GPHN: variants seen among roughly 807,000 people sequenced by gnomAD.
The protein encoded by GPHN is gephyrin.
Under a neutral mutation model 95.5 loss-of-function variants are expected in GPHN, and 17 were observed. The observed-to-expected ratio is 0.18, with a 90% CI of 0.12 to 0.27. The LOEUF (loss-of-function observed/expected upper bound fraction) is 0.27, where lower values mean the gene tolerates loss of function less well. Ranked by LOEUF, GPHN falls within the 10% of genes least tolerant of loss-of-function variation. The probability of loss-of-function intolerance (pLI) is 1.00; values close to 1 mark genes in which losing one functional copy is unlikely to be tolerated. For synonymous variants in GPHN, 320 were observed against 322.5 expected (o/e 0.99, Z 0.08); for missense variants, 660 against 978.1 (o/e 0.67, Z 4.34).
At chr14:67,267,661 T>C in the GPHN span, among the ~76,000 whole-genome samples, 3 of 152,252 alleles carry the variant, frequency 2.0e-5, no homozygotes, top group African/African-American at 7.2e-5. Context: ...TAAGTTTTAG[T>C]AAATTTATAT....
intron 3 of GPHN, among the ~76,000 whole-genome samples, chr14:66,803,237 CT>C (rs1392036235): frequency 1.3e-5 from 2 of 152,174 alleles, no homozygotes; most frequent in Non-Finnish European, 2.9e-5. Flanking sequence ...TCAAAATTGC[CT>C]GCTGTCCTTC....
At chr14:66,871,708 A>G (rs2063441397) in intron 4 of GPHN, among the ~76,000 whole-genome samples, 1 of 152,038 alleles carries the variant, frequency 6.6e-6, no homozygotes, top group Admixed American at 6.6e-5. Flanking sequence ...CTCACTCATA[A>G]CTGGGAGTTG....
the GPHN span, among the ~76,000 whole-genome samples, chr14:67,281,082 A>G: frequency 6.6e-6 from 1 of 151,764 alleles, no homozygotes; most frequent in Non-Finnish European, 1.5e-5. Flanking sequence ...TATTTTTAGT[A>G]GAGACCGGGT....
the GPHN span, among the ~76,000 whole-genome samples, chr14:67,191,701 G>C: frequency 6.6e-6 from 1 of 152,140 alleles, no homozygotes; most frequent in Non-Finnish European, 1.5e-5. Context: ...ACACAGATAG[G>C]GAAGCCCTGA....
At chr14:66,881,466 A>G (rs2063928344) in intron 5 of GPHN, among the ~76,000 whole-genome samples, 1 of 151,896 alleles carries the variant, frequency 6.6e-6, no homozygotes, top group African/African-American at 2.4e-5. Context: ...TTCTCTTGCT[A>G]ATTCTTTTGT....
intron 3 of GPHN, among the ~76,000 whole-genome samples, chr14:66,794,602 A>G (rs1240141647): frequency 1.3e-5 from 2 of 152,174 alleles, no homozygotes; most frequent in Admixed American, 1.3e-4. Flanking sequence ...TTTAACTATT[A>G]TTTAGTTATG....
chr14:66,965,188 C>T lies in GPHN; in HGVS notation c.829-3C>T. ...TTAAACCATAGTTGTTCCCCTTGTT[C>T]AGATTCCAGACTCCATCATTTCTCG... On this transcript the variant is annotated splice_polypyrimidine_tract_variant and splice_region_variant and intron_variant, in intron 8 of 22. Transcript: ENST00000478722. The T allele has an allele frequency of 6.2e-7, 1 of 1,610,270 alleles. No homozygotes were observed. Among genetic ancestry groups the T allele is most frequent in the Middle Eastern group, 1.7e-4 (1 of 6,048 alleles).
At chr14:67,374,771 T>C in the GPHN span, 2 of 355,450 alleles carry the variant, frequency 5.6e-6, no homozygotes, top group African/African-American at 2.1e-5. Flanking sequence ...TACGGGGTTT[T>C]TTTGTTTGTT....
chr14:66,987,686 A>G (rs1268481952), intron 9 of GPHN, among the ~76,000 whole-genome samples: 3 of 152,062 alleles, frequency 2.0e-5, no homozygotes, highest in Non-Finnish European at 2.9e-5. Flanking sequence ...AAGGATGGTT[A>G]TAGTATTTAT....
the GPHN span, among the ~76,000 whole-genome samples, chr14:67,548,763 C>G: frequency 3.9e-5 from 6 of 152,202 alleles, no homozygotes; most frequent in African/African-American, 1.4e-4. Flanking sequence ...AAACTTCTAA[C>G]TGAAGCAGCG....
intron 2 of GPHN, among the ~76,000 whole-genome samples, chr14:66,698,531 T>C (rs896242771): frequency 6.6e-6 from 1 of 152,234 alleles, no homozygotes; most frequent in Non-Finnish European, 1.5e-5. Context: ...GTGCTTATGT[T>C]TACTCAATAA....
chr14:67,193,944 C>CAAAAAAAAACA, the GPHN span, among the ~76,000 whole-genome samples: 3 of 33,880 alleles, frequency 8.9e-5, no homozygotes, highest in Non-Finnish European at 1.5e-4. Flanking sequence ...GACCCTGTCT[C>CAAAAAAAAACA]AAAAAAAAAC....
At chr14:67,095,224 G>T (rs893726003) in intron 12 of GPHN, among the ~76,000 whole-genome samples, 1 of 152,050 alleles carries the variant, frequency 6.6e-6, no homozygotes, top group African/African-American at 2.4e-5. Context: ...GTCTGAATTT[G>T]TCTATATTCA....
chr14:66,512,955 G>A (rs2058095614), intron 1 of GPHN, among the ~76,000 whole-genome samples: 1 of 151,614 alleles, frequency 6.6e-6, no homozygotes, highest in Non-Finnish European at 1.5e-5. Context: ...ATCCTACTAA[G>A]TGGAACTGTA....
intron 3 of GPHN, among the ~76,000 whole-genome samples, chr14:66,784,209 G>A (rs1206853111): frequency 2.0e-5 from 3 of 152,082 alleles, no homozygotes; most frequent in Non-Finnish European, 4.4e-5. Context: ...ATAGAACTGA[G>A]AAATACCATC....
chr14:67,030,231 A>G (rs2074131861), intron 10 of GPHN, among the ~76,000 whole-genome samples: 1 of 152,078 alleles, frequency 6.6e-6, no homozygotes, highest in Non-Finnish European at 1.5e-5. Context: ...CGTGACTAAA[A>G]CTAAATTTAT....
intron 1 of GPHN, among the ~76,000 whole-genome samples, chr14:66,616,942 G>A (rs1038154227): frequency 1.3e-5 from 2 of 152,128 alleles, no homozygotes; most frequent in East Asian, 3.9e-4. Flanking sequence ...TCCTGACCTC[G>A]TGATCTGCCT....
At chr14:67,578,634 G>C in the GPHN span, 1 of 1,578,490 alleles carries the variant, frequency 6.3e-7, no homozygotes. The surrounding 1 kb of genome is among the most constrained non-coding windows in gnomAD (Gnocchi z 5.0). Context: ...GATCCCAGGT[G>C]AGTGAACCTG....
intron 13 of GPHN, among the ~76,000 whole-genome samples, chr14:67,109,662 G>T (rs1321960558): frequency 1.3e-5 from 2 of 152,032 alleles, no homozygotes; most frequent in African/African-American, 4.8e-5. Flanking sequence ...AATATTTCTG[G>T]CTTGCCTTTA....
Sources: gnomAD v4.1 joint callset for allele counts (sites outside exome capture counted in the v4.1 genomes callset) on GRCh38, gnomAD v4.1.1 for gene constraint, Gnocchi (gnomAD v3.1) non-coding constraint, MANE v1.5 for transcripts, NCBI Gene and HGNC (gene_info 2026-07-23, HGNC 2026-07-21) for gene names.